The following MAP4K3 variants were observed in gnomAD, a reference collection of about 807,000 sequenced individuals.
MAP4K3 encodes MAPK/ERK kinase kinase kinase 3.
A neutral mutation model predicts 143.5 loss-of-function variants in MAP4K3; 94 were observed. That is an observed-to-expected ratio of 0.65 (90% CI 0.55 to 0.78). The LOEUF (loss-of-function observed/expected upper bound fraction) is 0.78, where lower values mean the gene tolerates loss of function less well. MAP4K3 is among the 30% of genes least tolerant of loss of function. The pLI, the probability that MAP4K3 is intolerant of heterozygous loss-of-function variation, is 0.00. For synonymous variants in MAP4K3, 416 were observed against 347.2 expected, an observed-to-expected ratio of 1.20 and a Z score of -2.20; for missense variants, 1,077 against 1,068.1, an observed-to-expected ratio of 1.01 and a Z score of -0.12.
chr2:39,411,303 C>CA (rs1667226415), intron 1 of MAP4K3, among the ~76,000 whole-genome samples: 2 of 152,206 alleles, frequency 1.3e-5, no homozygotes, highest in Admixed American at 6.5e-5. Flanking sequence ...GTTTTCCCTA[C>CA]ATTTTTCCTA....
In MAP4K3 at chr2:39,337,508, A is replaced by C. The variant is rs1191352461; in HGVS notation, c.366+18T>G. ...AGTTTAATGAAAAATGTTATTTTTG[A>C]ATTAGCACTTGATTTACCTGCAGTG... On this transcript the variant is annotated intron_variant, in intron 5 of 33. Transcript: ENST00000263881. 2 of 1,596,532 alleles carry C rather than the reference A, an allele frequency of 1.3e-6. No homozygotes were observed. Among genetic ancestry groups the C allele is most frequent in the Non-Finnish European group, 1.7e-6 (2 of 1,165,266 alleles).
chr2:39,267,489 A>T, intron 26 of MAP4K3: 1 of 379,666 alleles, frequency 2.6e-6, no homozygotes, highest in Non-Finnish European at 5.0e-6. Context: ...TGGCCAACAT[A>T]ATAAAACCCC....
intron 1 of MAP4K3, among the ~76,000 whole-genome samples, chr2:39,430,181 G>A (rs1665242152): frequency 1.3e-5 from 2 of 152,176 alleles, no homozygotes; most frequent in Admixed American, 1.3e-4. Context: ...GTGTATGTAG[G>A]TTAGCATACA....
At chr2:39,302,955 G>A (rs975969184) in intron 15 of MAP4K3, 1 of 166,098 alleles carries the variant, frequency 6.0e-6, no homozygotes, top group African/African-American at 2.4e-5. Context: ...CAAAGTGTGA[G>A]AAAGAACTGA....
chr2:39,265,226 T>G lies in MAP4K3; in HGVS notation c.2113A>C (p.Met705Leu). The change falls in exon 28 of 34, where the codon ATG becomes CTG. Residue 705 changes from methionine to leucine, a missense_variant. Around this residue, in one of 2 missense-constraint regions of MAP4K3, gnomAD observed 864 missense variants for 801.2 expected, o/e 1.08. Coordinates refer to ENST00000263881, the MANE Select transcript of MAP4K3 (RefSeq NM_003618.4). The part of the protein sequence containing the change: ...SIVLLEWVEP[M>L]QKFMLIKHID... Reference sequence around the variant, plus strand: ...ACCTTAATTAACATAAATTTCTGCATTGGTTCAACCCATTCTAATAGAACA... The same window carrying G: ...ACCTTAATTAACATAAATTTCTGCAGTGGTTCAACCCATTCTAATAGAACA... 6.2e-7 allele frequency: 1 copy of G among 1,610,090 alleles called. No homozygotes were observed. Among genetic ancestry groups the G allele is most frequent in the Non-Finnish European group, 8.5e-7 (1 of 1,176,500 alleles).
intron 28 of MAP4K3, among the ~76,000 whole-genome samples, chr2:39,264,373 A>G (rs1680687658): frequency 6.6e-6 from 1 of 152,210 alleles, no homozygotes; most frequent in Non-Finnish European, 1.5e-5. Flanking sequence ...CTATATTTTC[A>G]TCTGTTTAGC....
rs1159029791 is a variant in MAP4K3 at position 39,364,790 on chromosome 2, C to T, written c.155-8451G>A. On this transcript the variant is annotated intron_variant, in intron 2 of 33. Coordinates refer to ENST00000263881, the MANE Select transcript of MAP4K3 (RefSeq NM_003618.4). ...GGCTGAAGCAGGAGAATTGCATAAA[C>T]CCAGGAGGCAGAGCTTGCAGTGAGC... 5.3e-5 allele frequency among the ~76,000 whole-genome samples: 8 copies of T among 151,676 alleles called. 1 individual carries two copies. The highest frequency in any genetic ancestry group is 1.9e-4 in the African/African-American group (8 of 41,230).
Position 39,413,177 on chromosome 2 carries a change from G to C in MAP4K3, c.96+23715C>G, listed in dbSNP as rs192593408. 2.0e-5 allele frequency among the ~76,000 whole-genome samples: 3 copies of C among 152,312 alleles called. No homozygotes were observed. In the East Asian group the frequency reaches 5.8e-4, roughly 29 times the overall value. Reference sequence around the variant, plus strand: ...GCTTTCATGCAGTAAAAGTTAGAGAGTCAGGCTAAATTCCTTGTATCAGAA... The same window carrying C: ...GCTTTCATGCAGTAAAAGTTAGAGACTCAGGCTAAATTCCTTGTATCAGAA... On this transcript the variant is annotated intron_variant, in intron 1 of 33. Transcript: ENST00000263881.
intron 2 of MAP4K3, among the ~76,000 whole-genome samples, chr2:39,376,044 C>A (rs1666208944): frequency 6.6e-6 from 1 of 151,808 alleles, no homozygotes; most frequent in South Asian, 2.1e-4. Flanking sequence ...TTGTGCATGA[C>A]AATCATTGTG....
chr2:39,393,897 G>T (rs1346647848), intron 1 of MAP4K3, among the ~76,000 whole-genome samples: 2 of 152,162 alleles, frequency 1.3e-5, no homozygotes, highest in African/African-American at 4.8e-5. Context: ...ATGTGGACAT[G>T]TGTAGTTCAA....
At chr2:39,267,499 C>T (rs1680814658) in intron 26 of MAP4K3, 2 of 348,774 alleles carry the variant, frequency 5.7e-6, no homozygotes, top group African/African-American at 2.1e-5. Flanking sequence ...AATAAAACCC[C>T]GTCTCTACTA....
intron 12 of MAP4K3, among the ~76,000 whole-genome samples, chr2:39,316,037 T>C (rs771449170): frequency 1.6e-4 from 25 of 152,140 alleles, no homozygotes; most frequent in Non-Finnish European, 2.5e-4. Context: ...ATTTTATGTT[T>C]TTCAGAAGCT....
chr2:39,309,507 T>C lies in MAP4K3; in HGVS notation c.1010A>G (p.Lys337Arg). ...TRSEITFGQV[K>R]FDPPLRKETE... ...CTCCTTTCTTAAGGGTGGATCAAATTTCACTTGGCCAACTAAAAAAGAAAA... is the reference window on the plus strand; with the variant it reads ...CTCCTTTCTTAAGGGTGGATCAAATCTCACTTGGCCAACTAAAAAAGAAAA... Residue 337 changes from lysine (K) to arginine (R), a missense_variant, in exon 14 of 34, where the codon AAA (lysine) becomes AGA (arginine). Coordinates refer to ENST00000263881, the MANE Select transcript of MAP4K3 (RefSeq NM_003618.4). 1 of 1,586,170 alleles carries C rather than the reference T, an allele frequency of 6.3e-7. No individual in the cohort carries two copies. The highest frequency in any genetic ancestry group is 8.6e-7 in the Non-Finnish European group (1 of 1,167,608).
intron 3 of MAP4K3, among the ~76,000 whole-genome samples, chr2:39,351,594 G>C (rs1422185556): frequency 6.6e-6 from 1 of 152,164 alleles, no homozygotes; most frequent in Non-Finnish European, 1.5e-5. Flanking sequence ...GTAAATGGTG[G>C]TGATTTACTT....
At chr2:39,421,750 G>C (rs1271998590) in intron 1 of MAP4K3, among the ~76,000 whole-genome samples, 1 of 152,112 alleles carries the variant, frequency 6.6e-6, no homozygotes, top group South Asian at 2.1e-4. Context: ...ATTTGATGTA[G>C]TTTGGCCCGT....
chr2:39,317,614 A>T (rs897591570), intron 12 of MAP4K3, among the ~76,000 whole-genome samples: 4 of 152,158 alleles, frequency 2.6e-5, no homozygotes, highest in Non-Finnish European at 5.9e-5. Flanking sequence ...GATACTTTTC[A>T]AAAGAAGACA....
At chr2:39,268,784 C>CTG (rs1475007363) in intron 26 of MAP4K3, among the ~76,000 whole-genome samples, 21 of 151,818 alleles carry the variant, frequency 1.4e-4, no homozygotes, top group African/African-American at 5.1e-4. Context: ...TGATTACAGG[C>CTG]ATCAGCCACC....
intron 4 of MAP4K3, among the ~76,000 whole-genome samples, chr2:39,339,720 T>G (rs928213168): frequency 2.6e-5 from 4 of 152,092 alleles, no homozygotes; most frequent in African/African-American, 9.7e-5. Context: ...TGCCTCCTCT[T>G]AGAATTTGTC....
intron 15 of MAP4K3, among the ~76,000 whole-genome samples, chr2:39,306,278 C>G (rs115934886): frequency 1.3e-5 from 2 of 152,200 alleles, no homozygotes; most frequent in Non-Finnish European, 1.5e-5. Flanking sequence ...TTCTAGCCTA[C>G]GTGTGTAATT....
Sources: gnomAD v4.1 joint callset for allele counts (sites outside exome capture counted in the v4.1 genomes callset) on GRCh38, gnomAD v4.1.1 for gene constraint, gnomAD v4.1.1 regional missense constraint, MANE v1.5 for transcripts, NCBI Gene and HGNC (gene_info 2026-07-23, HGNC 2026-07-21) for gene names.